EHBP1: variants seen among roughly 807,000 people sequenced by gnomAD.
EHBP1 encodes the protein EH domain-binding protein 1.
EHBP1 carries 55 observed loss-of-function variants against 144.0 expected under a neutral mutation model. That is an observed-to-expected ratio of 0.38 (90% CI 0.31 to 0.48). EHBP1 has a LOEUF of 0.48. Among genes scored for constraint, EHBP1 ranks in the 20% least tolerant of loss-of-function variants. The pLI is 0.98. For synonymous variants in EHBP1, 469 were observed against 472.7 expected, an observed-to-expected ratio of 0.99 and a Z score of 0.10; for missense variants, 1,200 against 1,364.2, an observed-to-expected ratio of 0.88 and a Z score of 1.90.
At chr2:62,703,860 T>C (rs534883888), upstream of EHBP1, among the ~76,000 whole-genome samples, 3 of 152,204 alleles carry the variant, frequency 2.0e-5, no homozygotes, top group African/African-American at 7.2e-5. Flanking sequence ...CCCTTTGGAG[T>C]AAGGGAAGCA....
chr2:62,999,545 T>A (rs1187288518), intron 19 of EHBP1, among the ~76,000 whole-genome samples: 2 of 152,204 alleles, frequency 1.3e-5, no homozygotes, highest in Non-Finnish European at 2.9e-5. Context: ...TGAATTTGCT[T>A]TATTGCAGTT....
At chr2:62,851,120 T>G (rs2048667399) in intron 7 of EHBP1, among the ~76,000 whole-genome samples, 1 of 152,358 alleles carries the variant, frequency 6.6e-6, no homozygotes, top group African/African-American at 2.4e-5. Flanking sequence ...CCTTCCCTCA[T>G]GGAGTGGTGA....
chr2:63,045,234 A>G lies in EHBP1; in HGVS notation c.3392+54A>G, dbSNP rs763671178. On this transcript the variant is annotated intron_variant, in intron 22 of 22. Transcript: ENST00000431489. This position sits in a 1 kb window ranked among gnomAD's most constrained non-coding sequence, Gnocchi z 5.7. ...CTGGGCCACCTGCCGAGGGGCCGAGAAGTGTGCGGAAAGTTCAATCCAGAG... is the reference window on the plus strand; with the variant it reads ...CTGGGCCACCTGCCGAGGGGCCGAGGAGTGTGCGGAAAGTTCAATCCAGAG... 6.6e-7 allele frequency: 1 copy of G among 1,504,232 alleles called. No homozygotes were observed. Among genetic ancestry groups the G allele is most frequent in the Non-Finnish European group, 9.1e-7 (1 of 1,104,638 alleles). The allele number at this position is 1,504,232 out of a possible 1,614,324, so 93.2% of individuals were successfully genotyped here.
rs143512064 is a variant in EHBP1 at position 62,686,224 on chromosome 2, C to T, written c.-296+12141C>T. ...ACAGCTCTACATTAAACCACAGGTC[C>T]TTTGTGGGGCAGACAAGAATAACAT... On this transcript the variant is annotated intron_variant, in intron 1 of 22. Coordinates refer to the EHBP1 transcript ENST00000405015. Among the ~76,000 whole-genome samples the T allele has an allele frequency of 4.3e-4, 65 of 152,258 alleles. 1 individual carries two copies. The highest frequency in any genetic ancestry group is 1.4e-3 in the African/African-American group (57 of 41,548).
At chr2:62,710,385 C>G (rs1236374528) in intron 2 of EHBP1, among the ~76,000 whole-genome samples, 1 of 151,754 alleles carries the variant, frequency 6.6e-6, no homozygotes, top group Non-Finnish European at 1.5e-5. Flanking sequence ...TTTCTTCCAT[C>G]TAATTCTTAG....
chr2:62,835,516 G>C (rs572605707), intron 7 of EHBP1, among the ~76,000 whole-genome samples: 11 of 152,242 alleles, frequency 7.2e-5, no homozygotes, highest in Admixed American at 5.9e-4. Context: ...GAACAGCTCC[G>C]GTCTACAGCT....
rs537347827 is a variant in EHBP1, at chr2:62,925,187, G to C, written c.1186-17531G>C. 1.2e-4 allele frequency among the ~76,000 whole-genome samples: 18 copies of C among 152,110 alleles called. No homozygotes were observed. The Middle Eastern group carries it at 0.01, about 87-fold the overall frequency. On this transcript the variant is annotated intron_variant, in intron 10 of 22. Coordinates refer to ENST00000431489, the MANE Select transcript of EHBP1 (RefSeq NM_001142616.3). ...TTCATGATAAAACTCTTAATAATTA[G>C]GTATAGAAGGTTAATACCTAAATAT...
At chr2:62,926,458 T>C (rs1203090076) in intron 10 of EHBP1, among the ~76,000 whole-genome samples, 2 of 152,034 alleles carry the variant, frequency 1.3e-5, no homozygotes, top group African/African-American at 4.8e-5. Flanking sequence ...ATACCCAGAA[T>C]ATAAAAGAAA....
intron 10 of EHBP1, among the ~76,000 whole-genome samples, chr2:62,892,646 A>G (rs1247480095): frequency 2.6e-5 from 4 of 152,106 alleles, no homozygotes; most frequent in Admixed American, 2.6e-4. Flanking sequence ...TTTACCTTAT[A>G]CAGCAGATGT....
chr2:62,794,285 C>G (rs1315374028), intron 5 of EHBP1, among the ~76,000 whole-genome samples: 2 of 152,014 alleles, frequency 1.3e-5, no homozygotes, highest in Admixed American at 1.3e-4. Context: ...TGCCTGCACC[C>G]TTAAATCAAA....
intron 7 of EHBP1, among the ~76,000 whole-genome samples, chr2:62,841,896 T>G (rs1283110537): frequency 6.6e-6 from 1 of 152,108 alleles, no homozygotes; most frequent in African/African-American, 2.4e-5. Flanking sequence ...CAAAATACCT[T>G]AGGTTGGGTA....
chr2:62,840,821 A>G (rs1309990597), intron 7 of EHBP1, among the ~76,000 whole-genome samples: 1 of 152,008 alleles, frequency 6.6e-6, no homozygotes, highest in Non-Finnish European at 1.5e-5. Context: ...AATGGCAATC[A>G]TTAAAAAGTC....
intron 2 of EHBP1, among the ~76,000 whole-genome samples, chr2:62,712,347 T>C (rs1032167073): frequency 6.6e-6 from 1 of 152,168 alleles, no homozygotes; most frequent in African/African-American, 2.4e-5. Flanking sequence ...GAGGTGACAG[T>C]TGTTGAAGAA....
chr2:62,968,840 C>T (rs1363295847), intron 14 of EHBP1, among the ~76,000 whole-genome samples: 1 of 152,182 alleles, frequency 6.6e-6, no homozygotes, highest in African/African-American at 2.4e-5. Flanking sequence ...TTCTTTTAGG[C>T]TCACACTGGG....
intron 10 of EHBP1, among the ~76,000 whole-genome samples, chr2:62,911,209 T>G (rs2152976908): frequency 6.6e-6 from 1 of 152,272 alleles, no homozygotes; most frequent in South Asian, 2.1e-4. Context: ...TTATTTAACC[T>G]CTCTCTCCCT....
chr2:63,034,374 A>T (rs2061377305), intron 19 of EHBP1, among the ~76,000 whole-genome samples: 1 of 152,060 alleles, frequency 6.6e-6, no homozygotes, highest in African/African-American at 2.4e-5. Flanking sequence ...TGAAAAAAAA[A>T]TTTAAAAAGG....
At chr2:62,881,380 C>T (rs563147176) in intron 10 of EHBP1, among the ~76,000 whole-genome samples, 1 of 127,574 alleles carries the variant, frequency 7.8e-6, no homozygotes, top group African/African-American at 3.0e-5. Context: ...CACACATGTA[C>T]GTCCTGAACC....
intron 10 of EHBP1, among the ~76,000 whole-genome samples, chr2:62,903,435 A>G (rs1348550187): frequency 6.6e-6 from 1 of 152,192 alleles, no homozygotes; most frequent in East Asian, 1.9e-4. Flanking sequence ...AAAATAAATA[A>G]TTAAAAATTT....
At chr2:62,767,440 G>A (rs1025834387) in intron 4 of EHBP1, among the ~76,000 whole-genome samples, 2 of 151,992 alleles carry the variant, frequency 1.3e-5, no homozygotes, top group Non-Finnish European at 2.9e-5. Context: ...GGTCATGTCT[G>A]TAATCCCGAC....
Sources: allele counts gnomAD v4.1 joint callset (sites outside exome capture counted in the v4.1 genomes callset), GRCh38; gene constraint gnomAD v4.1.1; non-coding constraint Gnocchi (gnomAD v3.1); transcripts MANE v1.5; gene names NCBI Gene and HGNC (gene_info 2026-07-23, HGNC 2026-07-21).